The following DRD3 variants were observed in gnomAD, a reference collection of about 807,000 sequenced individuals.
DRD3 encodes dopamine receptor D3.
DRD3 carries 19 observed loss-of-function variants against 36.3 expected under a neutral mutation model. The observed-to-expected ratio is 0.52, with a 90% confidence interval of 0.36 to 0.77. DRD3 has a LOEUF of 0.77. Ranked by LOEUF, DRD3 falls within the 30% of genes least tolerant of loss-of-function variation. DRD3 has a pLI of 0.00. For missense variants in DRD3, 465 were observed against 505.3 expected, an observed-to-expected ratio of 0.92 and a Z score of 0.77; for synonymous variants, 195 against 203.7, an observed-to-expected ratio of 0.96 and a Z score of 0.36.
rs575171275 is a variant in DRD3 at position 114,198,053 on chromosome 3, T to C, written c.-156+1220A>G. ...ATAGATCTTCTATATAAATCTATAT[T>C]GAATCTTTTAACACATAAACAAAAG... On this transcript the variant is annotated intron_variant, in intron 1 of 7. Transcript: ENST00000460779. 9.2e-5 allele frequency among the ~76,000 whole-genome samples: 14 copies of C among 152,296 alleles called. No individual in the cohort carries two copies. In the South Asian group the frequency reaches 2.7e-3, roughly 29 times the overall value.
intron 1 of DRD3, among the ~76,000 whole-genome samples, chr3:114,194,852 A>G (rs527430118): frequency 6.6e-6 from 1 of 150,464 alleles, no homozygotes; most frequent in Admixed American, 6.6e-5. Context: ...GAAACCACTT[A>G]AGTAAAACAA....
At chr3:114,147,704 A>G (rs9880168) in intron 3 of DRD3, 147 bp from the exon 4 acceptor site, 103,963 of 931,338 alleles carry the variant, frequency 0.11, 6,573 homozygotes, top group Middle Eastern at 0.18. Flanking sequence ...TGTTCACTGC[A>G]GTTCAACTCC....
At chr3:114,151,946 G>T (rs991623907) in intron 3 of DRD3, among the ~76,000 whole-genome samples, 5 of 152,216 alleles carry the variant, frequency 3.3e-5, no homozygotes, top group African/African-American at 1.2e-4. Flanking sequence ...CAATTCGCTC[G>T]ATTCTGTTAA....
At chr3:114,129,771 G>A (rs184827652) in intron 6 of DRD3, among the ~76,000 whole-genome samples, 1 of 152,214 alleles carries the variant, frequency 6.6e-6, no homozygotes, top group African/African-American at 2.4e-5. Context: ...TTTAAATAAA[G>A]TTCAGGCTGG....
chr3:114,177,494 AG>A (rs1240208756), intron 1 of DRD3, among the ~76,000 whole-genome samples: 1 of 152,198 alleles, frequency 6.6e-6, no homozygotes, highest in African/African-American at 2.4e-5. Flanking sequence ...CATTCTAATC[AG>A]AGATAAAATG....
Position 114,189,615 on chromosome 3 carries a change from TTA to T in DRD3, c.-156+9656_-156+9657del, listed in dbSNP as rs2077993257. ...TGGCCACATTATGCCTGTAGAAAAC[TTA>T]TGTTTAGCCAGCCTATTTTTATGGA... On this transcript the variant is annotated intron_variant, in intron 1 of 7. Coordinates refer to the DRD3 transcript ENST00000460779. 1.3e-5 allele frequency among the ~76,000 whole-genome samples: 2 copies of T among 152,218 alleles called. 1 individual carries two copies. Among genetic ancestry groups the T allele is most frequent in the South Asian group, 4.1e-4 (2 of 4,834 alleles).
intron 5 of DRD3, among the ~76,000 whole-genome samples, 175 bp downstream of exon 5, chr3:114,139,325 T>A (rs941609973): frequency 1.3e-5 from 2 of 152,228 alleles, no homozygotes; most frequent in Non-Finnish European, 2.9e-5. Flanking sequence ...ATCAATGTTT[T>A]CTTGAGATTG....
chr3:114,190,699 G>T (rs1336310513), intron 1 of DRD3, among the ~76,000 whole-genome samples: 1 of 164 alleles, frequency 6.1e-3, no homozygotes, highest in Admixed American at 0.071. Context: ...TAGTTACTGA[G>T]TTTCCACTAT....
At chr3:114,174,342 G>A (rs1197078290) in intron 1 of DRD3, among the ~76,000 whole-genome samples, 1 of 152,154 alleles carries the variant, frequency 6.6e-6, no homozygotes, top group African/African-American at 2.4e-5. Context: ...TCTGCAACTG[G>A]TGAATAATGT....
intron 4 of DRD3, among the ~76,000 whole-genome samples, chr3:114,140,764 G>A (rs2077517008): frequency 6.6e-6 from 1 of 152,160 alleles, no homozygotes; most frequent in African/African-American, 2.4e-5. Flanking sequence ...GAACATCTGT[G>A]CTTCATCCAG....
chr3:114,193,307 C>A (rs111687198), intron 1 of DRD3, among the ~76,000 whole-genome samples: 1 of 125,400 alleles, frequency 8.0e-6, no homozygotes. Flanking sequence ...ACAACAACAA[C>A]AACAACAACA....
rs2077426166 is a variant in DRD3, at chr3:114,131,175, G to A, written c.949C>T (p.Pro317Ser). 7 of 1,614,050 alleles carry A rather than the reference G, an allele frequency of 4.3e-6. No homozygotes were observed. The highest frequency in any genetic ancestry group is 4.0e-5 in the African/African-American group (3 of 74,900). ...TTCTCCCGAAGTGGCACTCCCCGAG[G>A]TTGCAGGGGCCCCAGCTTCAAAGAT... ...STSLKLGPLQ[P>S]RGVPLREKKA... The change falls in exon 6 of 7, where the codon CCT (proline) becomes TCT (serine). Residue 317 changes from proline (P) to serine (S), a missense_variant. Pro to Ser is a moderately conservative substitution (Grantham distance 74). Transcript: ENST00000383673.
intron 3 of DRD3, among the ~76,000 whole-genome samples, chr3:114,156,932 T>C (rs1239530751): frequency 7.3e-6 from 1 of 136,824 alleles, no homozygotes. Context: ...TCCTTCCTTC[T>C]CTTTCTTTCT....
At position 114,128,819 on chromosome 3, in the gene DRD3, G is replaced by A; in HGVS notation, c.1100C>T (p.Ala367Val). The A allele has an allele frequency of 2.5e-6, 4 of 1,614,038 alleles. No individual in the cohort carries two copies. The highest frequency in any genetic ancestry group is 1.1e-5 in the South Asian group (1 of 91,080). ...ATTCACGTAGCCCAGCCATGTCGTG[G>A]CACTGTAAAGCTCTGGGGACACGTG... ...TCHVSPELYS[A>V]TTWLGYVNSA... Residue 367 changes from alanine (A) to valine (V), a missense_variant, in exon 7 of 7, where the codon GCC becomes GTC. Ala to Val is a moderately conservative substitution (Grantham distance 64, BLOSUM62 0). Coordinates refer to ENST00000383673, the MANE Select transcript of DRD3 (RefSeq NM_000796.6).
chr3:114,138,190 G>C (rs2077492453), intron 5 of DRD3, among the ~76,000 whole-genome samples: 1 of 124,034 alleles, frequency 8.1e-6, no homozygotes, highest in Non-Finnish European at 1.7e-5. Flanking sequence ...AAAAAAAAAA[G>C]ATTATCTAGG....
At chr3:114,140,661 C>T (rs533202732) in intron 4 of DRD3, among the ~76,000 whole-genome samples, 2 of 152,178 alleles carry the variant, frequency 1.3e-5, no homozygotes, top group African/African-American at 4.8e-5. Flanking sequence ...CAAGGCTGCA[C>T]CTGAAAAATA....
intron 2 of DRD3, among the ~76,000 whole-genome samples, chr3:114,169,146 A>G (rs937947232): frequency 6.6e-6 from 1 of 151,812 alleles, no homozygotes; most frequent in Admixed American, 6.5e-5. Context: ...TTCTTGAGGA[A>G]CATGGATTTA....
At chr3:114,172,355 C>T (rs1163231443) in intron 1 of DRD3, among the ~76,000 whole-genome samples, 1 of 152,160 alleles carries the variant, frequency 6.6e-6, no homozygotes, top group Non-Finnish European at 1.5e-5. Flanking sequence ...GAGTGAGTAT[C>T]TGAGTATAAT....
At chr3:114,176,142 C>T (rs896619835) in intron 1 of DRD3, 2 of 152,170 alleles carry the variant, frequency 1.3e-5, no homozygotes, top group African/African-American at 4.8e-5. Context: ...TCGTGGGGTT[C>T]CTCCTTAGCA....
Sources: allele counts gnomAD v4.1 joint callset (sites outside exome capture counted in the v4.1 genomes callset), GRCh38; gene constraint gnomAD v4.1.1; transcripts MANE v1.5; gene names NCBI Gene and HGNC (gene_info 2026-07-23, HGNC 2026-07-21).